ANKS1B: variants seen among roughly 807,000 people sequenced by gnomAD.
ANKS1B encodes the protein ankyrin repeat and sterile alpha motif domain containing 1B.
A neutral mutation model predicts 148.3 loss-of-function variants in ANKS1B; 36 were observed. The ratio of observed to expected loss-of-function variants is 0.24; its 90% CI spans 0.19 to 0.32. The LOEUF (loss-of-function observed/expected upper bound fraction) is 0.32, where lower values mean the gene tolerates loss of function less well. ANKS1B is among the 10% of genes least tolerant of loss of function. The pLI, the probability that ANKS1B is intolerant of heterozygous loss-of-function variation, is 1.00. For synonymous variants in ANKS1B, 542 were observed against 560.8 expected, an observed-to-expected ratio of 0.97 and a Z score of 0.47; for missense variants, 1,157 against 1,542.6, an observed-to-expected ratio of 0.75 and a Z score of 4.19.
At chr12:99,793,782 C>T (rs187792490) in intron 4 of ANKS1B, among the ~76,000 whole-genome samples, 2 of 151,866 alleles carry the variant, frequency 1.3e-5, no homozygotes, top group Admixed American at 1.3e-4. Context: ...TTGAGTAATA[C>T]CCCACAAGTA....
chr12:99,752,709 T>C (rs1029722710), intron 8 of ANKS1B, among the ~76,000 whole-genome samples: 6 of 151,998 alleles, frequency 3.9e-5, no homozygotes, highest in African/African-American at 1.4e-4. Flanking sequence ...TACCCTTATA[T>C]ATACAACTTA....
rs61185669 is a variant in ANKS1B, at chr12:99,666,392, A to G, written c.1129-11182T>C. On this transcript the variant is annotated intron_variant, in intron 8 of 26. Coordinates refer to ENST00000683438, the MANE Select transcript of ANKS1B (RefSeq NM_001352186.2). ...TACAATTTGGGGAGAACAAATATCT[A>G]AACCACATTGTCCTTCATTTCATGA... is the stretch of plus-strand genomic sequence containing the variant. 9.7e-3 allele frequency among the ~76,000 whole-genome samples: 1,473 copies of G among 152,318 alleles called. 30 individuals carry two copies. The highest frequency in any genetic ancestry group is 0.033 in the African/African-American group (1,381 of 41,558).
At chr12:98,916,906 A>G (rs2099795106) in intron 17 of ANKS1B, among the ~76,000 whole-genome samples, 1 of 152,182 alleles carries the variant, frequency 6.6e-6, no homozygotes, top group African/African-American at 2.4e-5. Context: ...TATTATATAT[A>G]AGGTATTAGC....
chr12:99,789,499 G>A (rs1182578354), intron 4 of ANKS1B, among the ~76,000 whole-genome samples: 1 of 152,164 alleles, frequency 6.6e-6, no homozygotes, highest in Non-Finnish European at 1.5e-5. Context: ...ATAGATATAT[G>A]ATCTTTCAGA....
intron 12 of ANKS1B, among the ~76,000 whole-genome samples, chr12:99,324,181 C>T (rs935458559): frequency 1.3e-5 from 2 of 152,132 alleles, no homozygotes; most frequent in African/African-American, 4.8e-5. Context: ...ATCCTATACA[C>T]CTAAAATAAC....
At chr12:99,220,095 G>C (rs1423396501) in intron 14 of ANKS1B, among the ~76,000 whole-genome samples, 1 of 152,120 alleles carries the variant, frequency 6.6e-6, no homozygotes, top group Non-Finnish European at 1.5e-5. Flanking sequence ...CACCTCCCAG[G>C]TTCAATCGAT....
intron 11 of ANKS1B, among the ~76,000 whole-genome samples, chr12:99,425,877 A>T (rs1553265): frequency 0.017 from 2,490 of 148,876 alleles, 86 homozygotes; most frequent in African/African-American, 0.054. Flanking sequence ...CTATTTTAAT[A>T]AAGTTTTTTT....
chr12:99,759,895 G>A (rs923507184), intron 8 of ANKS1B, among the ~76,000 whole-genome samples: 1 of 151,742 alleles, frequency 6.6e-6, no homozygotes, highest in African/African-American at 2.4e-5. Flanking sequence ...TCTAACAGCT[G>A]AGTTCTTCTA....
intron 14 of ANKS1B, among the ~76,000 whole-genome samples, chr12:99,191,095 A>G (rs1431568162): frequency 6.6e-6 from 1 of 152,252 alleles, no homozygotes; most frequent in African/African-American, 2.4e-5. Context: ...AACATGAAAA[A>G]AAGCTATAAT....
At chr12:99,886,617 A>AAAT (rs1333567476) in intron 1 of ANKS1B, among the ~76,000 whole-genome samples, 1 of 152,200 alleles carries the variant, frequency 6.6e-6, no homozygotes, top group Non-Finnish European at 1.5e-5. Context: ...AAAAGATAAC[A>AAAT]AATAATAGAT....
At chr12:98,792,561 T>A (rs1024782694) in intron 22 of ANKS1B, among the ~76,000 whole-genome samples, 1 of 152,178 alleles carries the variant, frequency 6.6e-6, no homozygotes, top group African/African-American at 2.4e-5. Flanking sequence ...CCTACCTAAT[T>A]GTAAGTTTGT....
intron 17 of ANKS1B, among the ~76,000 whole-genome samples, chr12:98,944,121 G>A (rs1339766451): frequency 2.0e-5 from 3 of 152,068 alleles, no homozygotes; most frequent in Admixed American, 6.5e-5. Context: ...CCAACATGGT[G>A]AAACTCCATC....
At chr12:99,159,347 ATAGT>A (rs1294029202) in intron 14 of ANKS1B, among the ~76,000 whole-genome samples, 10 of 152,072 alleles carry the variant, frequency 6.6e-5, no homozygotes, top group African/African-American at 2.4e-4. Context: ...ACAGTACCCA[ATAGT>A]TAGTTTTTCA....
intron 14 of ANKS1B, among the ~76,000 whole-genome samples, chr12:99,181,677 A>G (rs1467144119): frequency 6.6e-6 from 1 of 152,014 alleles, no homozygotes; most frequent in African/African-American, 2.4e-5. Context: ...TGGGTACATA[A>G]TGGGTGTATA....
chr12:99,779,428 T>G (rs1861623657), intron 6 of ANKS1B, among the ~76,000 whole-genome samples: 1 of 152,216 alleles, frequency 6.6e-6, no homozygotes, highest in African/African-American at 2.4e-5. Flanking sequence ...GAGCCTCAGT[T>G]TCCCTTATGT....
At chr12:99,952,578 G>C (rs2095246493) in intron 1 of ANKS1B, among the ~76,000 whole-genome samples, 1 of 152,082 alleles carries the variant, frequency 6.6e-6, no homozygotes, top group Non-Finnish European at 1.5e-5. Context: ...AGCAGGTGAA[G>C]GGAAGTTTCA....
intron 1 of ANKS1B, among the ~76,000 whole-genome samples, chr12:99,959,002 C>T (rs1171154078): frequency 1.3e-5 from 2 of 151,102 alleles, no homozygotes; most frequent in Non-Finnish European, 2.9e-5. Context: ...ATTACAGATA[C>T]AGGTTTCGGG....
intron 12 of ANKS1B, among the ~76,000 whole-genome samples, chr12:99,310,088 CT>C (rs1350375538): frequency 6.6e-6 from 1 of 152,116 alleles, no homozygotes; most frequent in Non-Finnish European, 1.5e-5. Context: ...TATCATGGAT[CT>C]GATTTAAGAG....
At chr12:99,397,800 T>C (rs2094294135) in intron 12 of ANKS1B, among the ~76,000 whole-genome samples, 1 of 152,150 alleles carries the variant, frequency 6.6e-6, no homozygotes, top group Admixed American at 6.6e-5. Flanking sequence ...TATTTTTGCA[T>C]TTTTATTGTT....
Sources: allele counts gnomAD v4.1 joint callset (sites outside exome capture counted in the v4.1 genomes callset), GRCh38; gene constraint gnomAD v4.1.1; transcripts MANE v1.5; gene names NCBI Gene and HGNC (gene_info 2026-07-23, HGNC 2026-07-21).